SATB1: variants seen among roughly 807,000 people sequenced by gnomAD.
SATB1 encodes SATB homeobox 1, also known as DNA-binding protein SATB1.
SATB1 carries 11 observed loss-of-function variants against 86.9 expected under a neutral mutation model. The observed-to-expected ratio is 0.13, with a 90% confidence interval of 0.08 to 0.21. The LOEUF (loss-of-function observed/expected upper bound fraction) is 0.21, where lower values mean the gene tolerates loss of function less well. Among genes scored for constraint, SATB1 ranks in the 10% least tolerant of loss-of-function variants. The pLI, the probability that SATB1 is intolerant of heterozygous loss-of-function variation, is 1.00. For synonymous variants in SATB1, 357 were observed against 357.2 expected (o/e 1.00, Z 0.01); for missense variants, 551 against 937.6 (o/e 0.59, Z 5.39).
chr3:18,348,526 A>T lies in SATB1; in HGVS notation c.*644T>A, dbSNP rs1212281049. The T allele has an allele frequency of 6.6e-6, 1 of 152,616 alleles. No individual in the cohort carries two copies. The highest frequency in any genetic ancestry group is 1.5e-5 in the Non-Finnish European group (1 of 68,024). The allele number at this position is 152,616 out of a possible 1,614,324, so 9.5% of individuals were successfully genotyped here. On this transcript the variant is annotated 3_prime_UTR_variant, in exon 11 of 11. Transcript: ENST00000338745. ...AATAATGAGGACTAAATTGTGTTTCACATTTTCTTTTCCTTTTTTTAAAAA... is the reference window on the plus strand; with the variant it reads ...AATAATGAGGACTAAATTGTGTTTCTCATTTTCTTTTCCTTTTTTTAAAAA...
chr3:18,407,937 T>C (rs1697631002), intron 5 of SATB1, among the ~76,000 whole-genome samples: 2 of 151,988 alleles, frequency 1.3e-5, no homozygotes, highest in Admixed American at 6.6e-5. Context: ...TTGGAACAAA[T>C]AGTAGGTGGA....
At chr3:18,351,305 C>G in intron 10 of SATB1, 1 of 1,539,668 alleles carries the variant, frequency 6.5e-7, no homozygotes, top group Non-Finnish European at 8.7e-7. Flanking sequence ...GTAACTGTGC[C>G]CGCTCACCTG....
intron 9 of SATB1, among the ~76,000 whole-genome samples, chr3:18,359,564 C>G (rs547640494): frequency 6.6e-6 from 1 of 151,878 alleles, no homozygotes; most frequent in African/African-American, 2.4e-5. Context: ...ATACGTCAAA[C>G]CTGCTTTTAG....
intron 10 of SATB1, chr3:18,350,588 T>A (rs1030909385): frequency 1.3e-5 from 2 of 152,342 alleles, no homozygotes. Flanking sequence ...ATGCATTTCC[T>A]TTTATACCCC....
At chr3:18,383,897 G>A (rs1696186417) in intron 8 of SATB1, among the ~76,000 whole-genome samples, 1 of 152,080 alleles carries the variant, frequency 6.6e-6, no homozygotes, top group Admixed American at 6.5e-5. Flanking sequence ...AACTGGTAGT[G>A]ATCTCCATTA....
chr3:18,364,689 T>A (rs1695091484), intron 9 of SATB1, among the ~76,000 whole-genome samples: 1 of 151,988 alleles, frequency 6.6e-6, no homozygotes, highest in Non-Finnish European at 1.5e-5. Context: ...TGTGTATACA[T>A]ACATAGCTAT....
intron 9 of SATB1, among the ~76,000 whole-genome samples, chr3:18,376,024 T>C (rs1695732476): frequency 6.6e-6 from 1 of 152,142 alleles, no homozygotes; most frequent in Non-Finnish European, 1.5e-5. Context: ...TGGAATTTGC[T>C]TATTTACATT....
chr3:18,423,322 C>T (rs978461449), intron 1 of SATB1, among the ~76,000 whole-genome samples: 1 of 152,158 alleles, frequency 6.6e-6, no homozygotes, highest in African/African-American at 2.4e-5. Flanking sequence ...AAACAGTGAA[C>T]TCAGTAACAA....
chr3:18,352,477 T>C lies in SATB1; in HGVS notation c.1576-282A>G, dbSNP rs189559317. ...AGCATTTATCACAGATTTTTTAATA[T>C]ATGAAATAGGAGAAAAACAAAGTTG... On this transcript the variant is annotated intron_variant, in intron 9 of 10. Coordinates refer to ENST00000338745, the MANE Select transcript of SATB1 (RefSeq NM_002971.6). This position sits in a 1 kb window ranked among gnomAD's most constrained non-coding sequence, Gnocchi z 4.1. 8.7e-4 allele frequency: 302 copies of C among 348,604 alleles called. No individual in the cohort carries two copies. Among genetic ancestry groups the C allele is most frequent in the Non-Finnish European group, 1.4e-3 (270 of 187,240 alleles). The allele number at this position is 348,604 out of a possible 1,614,324, so 21.6% of individuals were successfully genotyped here.
intron 5 of SATB1, among the ~76,000 whole-genome samples, chr3:18,399,282 A>G (rs1697123549): frequency 6.6e-6 from 1 of 152,168 alleles, no homozygotes; most frequent in Non-Finnish European, 1.5e-5. Flanking sequence ...GCTGGTAGTA[A>G]GGATGCAAAG....
chr3:18,445,440 G>A (rs1478063027), intron 1 of SATB1: 3 of 985,198 alleles, frequency 3.0e-6, no homozygotes, highest in African/African-American at 3.5e-5. Context: ...TCAGCCTCGA[G>A]GGGTAAGTGT....
chr3:18,348,308 G>C lies in SATB1; in HGVS notation c.*862C>G, dbSNP rs922915635. ...TAGTATGAATTGCTTGGATAACATAGAGCACTTTTTATAGGCAACTGTGTA... is the reference window on the plus strand; with the variant it reads ...TAGTATGAATTGCTTGGATAACATACAGCACTTTTTATAGGCAACTGTGTA... On this transcript the variant is annotated 3_prime_UTR_variant, in exon 11 of 11. Transcript: ENST00000338745. 3.9e-5 allele frequency: 6 copies of C among 152,674 alleles called. No homozygotes were observed. The highest frequency in any genetic ancestry group is 5.9e-5 in the Non-Finnish European group (4 of 68,000). 9.5% of individuals were successfully genotyped at this position (152,674 alleles called of 1,614,324 possible). A position where few individuals can be genotyped will look rare whatever the true frequency, so the allele number is the denominator to read the frequency against.
At chr3:18,409,940 T>C (rs968771300) in intron 5 of SATB1, among the ~76,000 whole-genome samples, 24 of 152,082 alleles carry the variant, frequency 1.6e-4, no homozygotes, top group African/African-American at 5.8e-4. Context: ...TGAAAATGAC[T>C]AATGTTACCT....
At chr3:18,369,376 T>C (rs1003631928) in intron 9 of SATB1, among the ~76,000 whole-genome samples, 13 of 152,266 alleles carry the variant, frequency 8.5e-5, no homozygotes, top group African/African-American at 3.1e-4. Context: ...TACAATCTTT[T>C]TACCATTTGA....
intron 6 of SATB1, among the ~76,000 whole-genome samples, chr3:18,396,049 A>G (rs1696949961): frequency 6.6e-6 from 1 of 152,240 alleles, no homozygotes; most frequent in South Asian, 2.1e-4. Context: ...CTCCTGATAT[A>G]CGCAAAATAT....
exon 1 of SATB1, chr3:18,445,523 C>T: frequency 2.0e-6 from 2 of 985,432 alleles, no homozygotes; most frequent in South Asian, 9.4e-5. Context: ...CTCACCTCTC[C>T]GGGGGCCCCC....
intron 9 of SATB1, among the ~76,000 whole-genome samples, chr3:18,369,250 A>C (rs1263602065): frequency 6.6e-6 from 1 of 151,984 alleles, no homozygotes; most frequent in Non-Finnish European, 1.5e-5. Flanking sequence ...GGTTCAAATA[A>C]ACAGTTTAAC....
At chr3:18,417,444 C>A in intron 2 of SATB1, 1 of 584,712 alleles carries the variant, frequency 1.7e-6, no homozygotes, top group Non-Finnish European at 3.0e-6. Context: ...ATACAGTATG[C>A]AAACATAACT....
chr3:18,362,373 G>A (rs938819011), intron 9 of SATB1, among the ~76,000 whole-genome samples: 1 of 151,980 alleles, frequency 6.6e-6, no homozygotes, highest in African/African-American at 2.4e-5. Flanking sequence ...TAAAAATGCG[G>A]CAAAGGATTC....
Sources: allele counts gnomAD v4.1 joint callset (sites outside exome capture counted in the v4.1 genomes callset), GRCh38; gene constraint gnomAD v4.1.1; non-coding constraint Gnocchi (gnomAD v3.1); transcripts MANE v1.5; gene names NCBI Gene and HGNC (gene_info 2026-07-23, HGNC 2026-07-21).